SLC10A7: variants seen among roughly 807,000 people sequenced by gnomAD.
SLC10A7 encodes solute carrier family 10 member 7.
SLC10A7 carries 29 observed loss-of-function variants against 43.2 expected under a neutral mutation model. That is an observed-to-expected ratio of 0.67 (90% CI 0.50 to 0.92). The LOEUF is 0.92. SLC10A7 is among the 40% of genes least tolerant of loss of function. SLC10A7 has a pLI of 0.00. For synonymous variants in SLC10A7, 152 were observed against 144.8 expected, an observed-to-expected ratio of 1.05 and a Z score of -0.35; for missense variants, 295 against 403.2, an observed-to-expected ratio of 0.73 and a Z score of 2.30.
chr4:146,485,230 T>C (rs1361829783), intron 4 of SLC10A7, among the ~76,000 whole-genome samples: 1 of 152,134 alleles, frequency 6.6e-6, no homozygotes, highest in Non-Finnish European at 1.5e-5. Flanking sequence ...TGACTAGAGA[T>C]TTTTTAGTTA....
Position 146,495,668 on chromosome 4 carries a change from C to G in SLC10A7, c.396+8181G>C, listed in dbSNP as rs192966418. On this transcript the variant is annotated intron_variant, in intron 4 of 11. Coordinates refer to ENST00000335472, the MANE Select transcript of SLC10A7 (RefSeq NM_001029998.6). ...AGACTTCTATGACCTTCATCTATGA[C>G]TTAAAGACTTCACCACATGTGATAA... Among the ~76,000 whole-genome samples, 101 of 152,098 alleles carry G rather than the reference C, an allele frequency of 6.6e-4. 1 individual carries two copies. The highest frequency in any genetic ancestry group is 1.8e-4 in the Non-Finnish European group (12 of 67,990).
intron 5 of SLC10A7, among the ~76,000 whole-genome samples, chr4:146,331,995 T>C (rs889597117): frequency 3.9e-5 from 6 of 152,160 alleles, no homozygotes; most frequent in Non-Finnish European, 5.9e-5. Context: ...AATGTCAAGA[T>C]ACATAACTGA....
chr4:146,447,071 C>T (rs1000806791), intron 4 of SLC10A7, among the ~76,000 whole-genome samples: 70 of 152,122 alleles, frequency 4.6e-4, no homozygotes, highest in African/African-American at 1.6e-3. Context: ...CCATTCAATA[C>T]AAGAATTTCC....
chr4:146,459,739 C>A (rs892837486), intron 4 of SLC10A7, among the ~76,000 whole-genome samples: 1 of 151,742 alleles, frequency 6.6e-6, no homozygotes, highest in African/African-American at 2.4e-5. Flanking sequence ...TAAAGAACAT[C>A]TTTGTGACTC....
chr4:146,278,153 C>A (rs1413173804), intron 10 of SLC10A7, among the ~76,000 whole-genome samples: 1 of 152,052 alleles, frequency 6.6e-6, no homozygotes, highest in Non-Finnish European at 1.5e-5. Context: ...GAGATATGAT[C>A]TGGGATAAGT....
intron 5 of SLC10A7, among the ~76,000 whole-genome samples, chr4:146,386,411 TC>T (rs1737999399): frequency 6.6e-6 from 1 of 152,176 alleles, no homozygotes; most frequent in South Asian, 2.1e-4. Flanking sequence ...CACTCATATA[TC>T]CTTTACCTGC....
At chr4:146,288,003 A>G (rs956259796) in intron 9 of SLC10A7, among the ~76,000 whole-genome samples, 3 of 152,206 alleles carry the variant, frequency 2.0e-5, no homozygotes, top group Non-Finnish European at 4.4e-5. Flanking sequence ...GCTAAAGAGG[A>G]TATTTGCAAG....
intron 9 of SLC10A7, 90 bp downstream of exon 9, chr4:146,292,839 A>C: frequency 1.1e-6 from 1 of 890,662 alleles, no homozygotes; most frequent in Admixed American, 2.7e-5. Flanking sequence ...AGGAGAAAAA[A>C]ATATAAACGT....
chr4:146,335,002 A>C (rs1162879765), intron 5 of SLC10A7, among the ~76,000 whole-genome samples: 1 of 151,944 alleles, frequency 6.6e-6, no homozygotes, highest in Non-Finnish European at 1.5e-5. Flanking sequence ...CAAGATGACA[A>C]GTCGGCCTGC....
At position 146,513,910 on chromosome 4, in the gene SLC10A7, A is replaced by G. The variant is rs913974780; in HGVS notation, c.183+3128T>C. The G allele has an allele frequency of 5.9e-5, 9 of 152,344 alleles. 1 individual carries two copies. Among genetic ancestry groups the G allele is most frequent in the Admixed American group, 4.6e-4 (7 of 15,308 alleles). 9.4% of individuals were successfully genotyped at this position (152,344 alleles called of 1,614,324 possible). A position where few individuals can be genotyped will look rare whatever the true frequency, so the allele number is the denominator to read the frequency against. ...ATAATCAAAAAGTTGGCTCTGCATCATAGTTTGTTTATTCATATGTAATAA... is the reference window on the plus strand; with the variant it reads ...ATAATCAAAAAGTTGGCTCTGCATCGTAGTTTGTTTATTCATATGTAATAA... On this transcript the variant is annotated intron_variant, in intron 2 of 11. Transcript: ENST00000335472.
At chr4:146,490,423 A>G (rs191046582) in intron 4 of SLC10A7, among the ~76,000 whole-genome samples, 25 of 152,190 alleles carry the variant, frequency 1.6e-4, no homozygotes. Flanking sequence ...TTTGTAGAAT[A>G]CTCTATCATG....
Position 146,521,807 on chromosome 4 carries a change from TTCCTTGG to T in SLC10A7, c.-97_-91del. The T allele has an allele frequency of 1.9e-6, 2 of 1,051,850 alleles. No homozygotes were observed. Among genetic ancestry groups the T allele is most frequent in the Non-Finnish European group, 2.9e-6 (2 of 685,334 alleles). 65.2% of individuals were successfully genotyped at this position (1,051,850 alleles called of 1,614,324 possible). A position where few individuals can be genotyped will look rare whatever the true frequency, so the allele number is the denominator to read the frequency against. On this transcript the variant is annotated 5_prime_UTR_variant, in exon 1 of 12. It introduces an in-frame stop codon into an upstream open reading frame of the 5' UTR. Coordinates refer to ENST00000335472, the MANE Select transcript of SLC10A7 (RefSeq NM_001029998.6). ...CTAATCCTTGGAGCGTCTCCACACT[TTCCTTGG>T]TCCCTCCAGACATGCAGCAGAGCAA...
chr4:146,514,145 A>G (rs1737736505), intron 2 of SLC10A7: 1 of 152,242 alleles, frequency 6.6e-6, no homozygotes, highest in African/African-American at 2.4e-5. Context: ...TCTGGGCTTG[A>G]AACAAACAGC....
chr4:146,283,902 A>G (rs1044184390), intron 9 of SLC10A7, among the ~76,000 whole-genome samples: 2 of 152,182 alleles, frequency 1.3e-5, no homozygotes, highest in Non-Finnish European at 2.9e-5. Context: ...TGACAGAGCC[A>G]GGATTCAAAC....
chr4:146,303,049 C>T (rs921818424), intron 7 of SLC10A7, among the ~76,000 whole-genome samples: 1 of 152,082 alleles, frequency 6.6e-6, no homozygotes, highest in Non-Finnish European at 1.5e-5. Context: ...GCAGACTCAC[C>T]CAAGGTCACA....
intron 9 of SLC10A7, among the ~76,000 whole-genome samples, chr4:146,288,088 C>T (rs549232296): frequency 6.6e-6 from 1 of 152,316 alleles, no homozygotes; most frequent in South Asian, 2.1e-4. Context: ...TGGCTCATTG[C>T]TCTCAGTAAC....
At chr4:146,457,663 A>G (rs1732180795) in intron 4 of SLC10A7, among the ~76,000 whole-genome samples, 1 of 151,998 alleles carries the variant, frequency 6.6e-6, no homozygotes. Flanking sequence ...AAGCAGGGAC[A>G]TCCTAAACTG....
At chr4:146,449,265 A>G (rs1731366447) in intron 4 of SLC10A7, among the ~76,000 whole-genome samples, 1 of 152,196 alleles carries the variant, frequency 6.6e-6, no homozygotes, top group East Asian at 1.9e-4. Flanking sequence ...GGCTGCCTAG[A>G]ACAGACCACA....
At chr4:146,285,374 A>T (rs1451057984) in intron 9 of SLC10A7, among the ~76,000 whole-genome samples, 1 of 152,202 alleles carries the variant, frequency 6.6e-6, no homozygotes, top group Non-Finnish European at 1.5e-5. Flanking sequence ...GGATGAAAAG[A>T]ATTTCTGTTA....
Sources: allele counts gnomAD v4.1 joint callset (sites outside exome capture counted in the v4.1 genomes callset), GRCh38; gene constraint gnomAD v4.1.1; transcripts MANE v1.5; gene names NCBI Gene and HGNC (gene_info 2026-07-23, HGNC 2026-07-21).